The following AGPS variants were observed in gnomAD, a reference collection of about 807,000 sequenced individuals.
AGPS encodes alkyldihydroxyacetonephosphate synthase, peroxisomal.
A neutral mutation model predicts 90.7 loss-of-function variants in AGPS; 26 were observed. The ratio of observed to expected loss-of-function variants is 0.29; its 90% CI spans 0.21 to 0.40. AGPS has a LOEUF of 0.40. Ranked by LOEUF, AGPS falls within the 10% of genes least tolerant of loss-of-function variation. The probability of loss-of-function intolerance (pLI) is 1.00; values close to 1 mark genes in which losing one functional copy is unlikely to be tolerated. For missense variants in AGPS, 540 were observed against 816.1 expected (o/e 0.66, Z 4.12); for synonymous variants, 294 against 285.3 (o/e 1.03, Z -0.31).
chr2:177,404,175 A>G (rs1685404216), intron 1 of AGPS, among the ~76,000 whole-genome samples: 1 of 152,210 alleles, frequency 6.6e-6, no homozygotes, highest in South Asian at 2.1e-4. Context: ...AGAAATTTAG[A>G]TAAAAGGAAA....
At chr2:177,518,260 C>T (rs538588557) in intron 17 of AGPS, among the ~76,000 whole-genome samples, 27 of 152,076 alleles carry the variant, frequency 1.8e-4, no homozygotes, top group African/African-American at 5.8e-4. Context: ...ATGATGAAAC[C>T]CCGTCTCTAC....
chr2:177,438,934 A>G (rs1686506441), intron 5 of AGPS, among the ~76,000 whole-genome samples: 1 of 151,932 alleles, frequency 6.6e-6, no homozygotes, highest in African/African-American at 2.4e-5. Flanking sequence ...AAGAAATTTG[A>G]GGCAATGTGG....
chr2:177,410,745 C>T (rs906568416), intron 1 of AGPS, among the ~76,000 whole-genome samples: 6 of 152,070 alleles, frequency 3.9e-5, no homozygotes, highest in African/African-American at 1.2e-4. Context: ...CCTCCTGGCC[C>T]TCAATGGTCA....
At chr2:177,411,377 A>G (rs752784869) in intron 1 of AGPS, among the ~76,000 whole-genome samples, 6 of 152,188 alleles carry the variant, frequency 3.9e-5, no homozygotes, top group Admixed American at 6.5e-5. Context: ...TGAATAATTT[A>G]TAGGCTTCTT....
At chr2:177,510,543 T>C (rs891015594) in intron 16 of AGPS, among the ~76,000 whole-genome samples, 1 of 152,168 alleles carries the variant, frequency 6.6e-6, no homozygotes, top group Non-Finnish European at 1.5e-5. Context: ...TGACATCTTG[T>C]TTTTTTATTC....
intron 12 of AGPS, among the ~76,000 whole-genome samples, chr2:177,493,997 G>A (rs1559071342): frequency 6.6e-6 from 1 of 152,084 alleles, no homozygotes; most frequent in Non-Finnish European, 1.5e-5. Context: ...GATTTGATTG[G>A]GTAGATTAAA....
At chr2:177,430,240 C>G (rs77718764) in intron 2 of AGPS, among the ~76,000 whole-genome samples, 3,767 of 152,288 alleles carry the variant, frequency 0.025, 340 homozygotes, top group Admixed American at 0.16. Flanking sequence ...CAGATTGTTG[C>G]ACTGGCTGGC....
chr2:177,523,007 A>G (rs529418066), intron 18 of AGPS, among the ~76,000 whole-genome samples: 19 of 152,242 alleles, frequency 1.2e-4, no homozygotes, highest in South Asian at 6.2e-4. Context: ...ACAAGTGTTT[A>G]TCTTTTCCTA....
At chr2:177,436,740 A>C in intron 3 of AGPS, 24 bp from the exon 4 acceptor site, 1 of 1,608,068 alleles carries the variant, frequency 6.2e-7, no homozygotes, top group South Asian at 1.1e-5. Flanking sequence ...AAAATAAGTC[A>C]AAGAAATCAA....
chr2:177,468,323 G>A, intron 9 of AGPS, 93 bp from the exon 10 acceptor site: 1 of 689,696 alleles, frequency 1.4e-6, no homozygotes, highest in African/African-American at 1.8e-5. Flanking sequence ...TACTTTAAAA[G>A]TAGGTTTTAC....
intron 15 of AGPS, among the ~76,000 whole-genome samples, chr2:177,505,903 A>T (rs7582179): frequency 6.6e-6 from 1 of 151,786 alleles, no homozygotes; most frequent in African/African-American, 2.4e-5. Flanking sequence ...AACACTCTTC[A>T]CTTAATAATC....
chr2:177,461,027 C>G (rs1430216112), intron 8 of AGPS, among the ~76,000 whole-genome samples: 1 of 152,192 alleles, frequency 6.6e-6, no homozygotes, highest in Admixed American at 6.5e-5. Context: ...CTGACATATT[C>G]TACATAGCTG....
chr2:177,437,521 A>C (rs1010413318), intron 5 of AGPS, among the ~76,000 whole-genome samples: 15 of 152,274 alleles, frequency 9.9e-5, no homozygotes, highest in African/African-American at 3.6e-4. Flanking sequence ...TTAAATTTTG[A>C]GTAATTATTA....
intron 10 of AGPS, among the ~76,000 whole-genome samples, chr2:177,477,108 T>G (rs1687803140): frequency 6.6e-6 from 1 of 152,124 alleles, no homozygotes; most frequent in Admixed American, 6.6e-5. Flanking sequence ...TCTTTGTCTT[T>G]TCTTTTGGTT....
intron 5 of AGPS, among the ~76,000 whole-genome samples, chr2:177,440,095 G>A (rs1393154346): frequency 6.6e-6 from 1 of 152,082 alleles, no homozygotes; most frequent in East Asian, 1.9e-4. Flanking sequence ...AGTATGATGA[G>A]AATCATGATA....
intron 19 of AGPS, among the ~76,000 whole-genome samples, chr2:177,526,848 A>G (rs1574034291): frequency 6.6e-6 from 1 of 152,326 alleles, no homozygotes; most frequent in Middle Eastern, 3.4e-3. Flanking sequence ...AGCTGTGAAT[A>G]TTTGCCTAGG....
intron 3 of AGPS, among the ~76,000 whole-genome samples, chr2:177,435,266 G>T (rs556395594): frequency 6.6e-6 from 1 of 151,434 alleles, no homozygotes; most frequent in Non-Finnish European, 1.5e-5. Context: ...GTACTTGTTG[G>T]GTTTATTTAA....
intron 1 of AGPS, among the ~76,000 whole-genome samples, chr2:177,395,416 G>A (rs944770231): frequency 6.6e-6 from 1 of 152,190 alleles, no homozygotes; most frequent in Non-Finnish European, 1.5e-5. Flanking sequence ...TTGGTTCGGG[G>A]TTAGACGACT....
At chr2:177,484,007 GGT>G (rs1305739599) in intron 11 of AGPS, among the ~76,000 whole-genome samples, 1 of 49,014 alleles carries the variant, frequency 2.0e-5, no homozygotes, top group African/African-American at 6.8e-5. Flanking sequence ...AGGAAGCTAG[GGT>G]GTTTTTTTTT....
Sources: allele counts gnomAD v4.1 joint callset (sites outside exome capture counted in the v4.1 genomes callset), GRCh38; gene constraint gnomAD v4.1.1; transcripts MANE v1.5; gene names NCBI Gene and HGNC (gene_info 2026-07-23, HGNC 2026-07-21).